Variants in CLIP2 observed in about 807,000 individuals in gnomAD.
The protein encoded by CLIP2 is CAP-Gly domain-containing linker protein 2.
Under a neutral mutation model 111.7 loss-of-function variants are expected in CLIP2, and 41 were observed. The ratio of observed to expected loss-of-function variants is 0.37; its 90% CI spans 0.29 to 0.48. CLIP2 has a LOEUF of 0.48. Among genes scored for constraint, CLIP2 ranks in the 20% least tolerant of loss-of-function variants. The pLI is 0.99. For missense variants in CLIP2, 1,160 were observed against 1,422.1 expected (o/e 0.82, Z 2.96); for synonymous variants, 660 against 644.2 (o/e 1.02, Z -0.37).
At chr7:74,381,186 AC>A (rs1196438560) in intron 11 of CLIP2, 1 of 159,828 alleles carries the variant, frequency 6.3e-6, no homozygotes, top group Non-Finnish European at 1.4e-5. Flanking sequence ...TTTATACTTT[AC>A]TTTTATTTAT....
At chr7:74,303,166 C>T (rs1300722933) in intron 1 of CLIP2, among the ~76,000 whole-genome samples, 3 of 152,234 alleles carry the variant, frequency 2.0e-5, no homozygotes, top group African/African-American at 7.2e-5. Flanking sequence ...GGCCGTCCAG[C>T]CCTGCCCTCT....
At chr7:74,359,882 C>T (rs1554309386) in intron 6 of CLIP2, among the ~76,000 whole-genome samples, 1 of 152,196 alleles carries the variant, frequency 6.6e-6, no homozygotes, top group Non-Finnish European at 1.5e-5. Context: ...TGATGGAGCA[C>T]AGACAAGACA....
intron 1 of CLIP2, among the ~76,000 whole-genome samples, chr7:74,306,949 AG>A (rs1343124037): frequency 6.6e-6 from 1 of 152,208 alleles, no homozygotes; most frequent in Non-Finnish European, 1.5e-5. Flanking sequence ...CGTCGGCCAC[AG>A]TGTGGCCAGA....
intron 6 of CLIP2, among the ~76,000 whole-genome samples, chr7:74,359,467 C>T (rs1236718602): frequency 1.3e-5 from 2 of 151,500 alleles, no homozygotes; most frequent in Non-Finnish European, 2.9e-5. Flanking sequence ...CATTCTCCTG[C>T]CTCAGCCTCC....
Position 74,397,060 on chromosome 7 carries a change from C to T in CLIP2, c.2721-14C>T, listed in dbSNP as rs377648146. On this transcript the variant is annotated splice_polypyrimidine_tract_variant and intron_variant, in intron 13 of 16. Coordinates refer to ENST00000223398, the MANE Select transcript of CLIP2 (RefSeq NM_003388.5). ...GGGCTGAGTGCAGTGGTTCTGTGCC[C>T]GCCTCACCCCCAGGAGCCTGAACGA... 188 of 1,612,052 alleles carry T rather than the reference C, an allele frequency of 1.2e-4. No individual in the cohort carries two copies. The highest frequency in any genetic ancestry group is 1.1e-3 in the East Asian group (49 of 44,832).
At chr7:74,316,401 C>T (rs1554729146) in intron 1 of CLIP2, among the ~76,000 whole-genome samples, 1 of 151,442 alleles carries the variant, frequency 6.6e-6, no homozygotes, top group Non-Finnish European at 1.5e-5. Context: ...TGCGCCACCA[C>T]GCCTGGCTAA....
intron 3 of CLIP2, among the ~76,000 whole-genome samples, chr7:74,349,750 AT>A (rs1244320233): frequency 2.0e-5 from 3 of 151,244 alleles, no homozygotes; most frequent in African/African-American, 7.3e-5. Flanking sequence ...AGTACCTGGC[AT>A]TACAGGCGTG....
chr7:74,353,855 C>T (rs1554307998), intron 3 of CLIP2, 25 bp from the exon 4 acceptor site: 3 of 1,614,014 alleles, frequency 1.9e-6, no homozygotes, highest in Middle Eastern at 3.3e-4. Context: ...ATCCTCTAGA[C>T]CTGAGTCTCC....
intron 1 of CLIP2, among the ~76,000 whole-genome samples, chr7:74,305,457 T>C (rs1788451167): frequency 6.6e-6 from 1 of 151,860 alleles, no homozygotes; most frequent in South Asian, 2.1e-4. Context: ...TCCCTCCCAG[T>C]GTCCCCTCTC....
At chr7:74,297,060 C>T (rs1788190060) in intron 1 of CLIP2, among the ~76,000 whole-genome samples, 1 of 152,206 alleles carries the variant, frequency 6.6e-6, no homozygotes, top group Non-Finnish European at 1.5e-5. Context: ...GCTGCTTTCT[C>T]CTTGGAGTCT....
At position 74,338,676 on chromosome 7, in the gene CLIP2, T is replaced by G; in HGVS notation, c.350T>G (p.Val117Gly). The stretch of plus-strand genomic sequence containing the variant: ...GCTGGCGTGGTGCTGGACGACCCGG[T>G]GGGCAAGAATGATGGCGCGGTGGGC... ...QWAGVVLDDPVGKNDGAVGGV... is the reference protein window; with the variant it reads ...QWAGVVLDDPGGKNDGAVGGV... The change falls in exon 3 of 17, where the codon GTG becomes GGG. Residue 117 changes from valine (V) to glycine (G), a missense_variant. Coordinates refer to ENST00000223398, the MANE Select transcript of CLIP2 (RefSeq NM_003388.5). The surrounding 1 kb of genome is among the most constrained non-coding windows in gnomAD (Gnocchi z 4.3). 6.3e-7 allele frequency: 1 copy of G among 1,580,034 alleles called. No homozygotes were observed. The highest frequency in any genetic ancestry group is 8.6e-7 in the Non-Finnish European group (1 of 1,166,456).
At chr7:74,307,184 G>T (rs141156993) in intron 1 of CLIP2, among the ~76,000 whole-genome samples, 1 of 152,276 alleles carries the variant, frequency 6.6e-6, no homozygotes, top group East Asian at 1.9e-4. Context: ...ACTGAATGCC[G>T]CCTTGGTTCT....
At chr7:74,365,764 TC>T (rs1430078026) in intron 8 of CLIP2, among the ~76,000 whole-genome samples, 5 of 152,164 alleles carry the variant, frequency 3.3e-5, no homozygotes, top group African/African-American at 9.6e-5. Context: ...CCCTTTTTTT[TC>T]TTTTTTGGAG....
intron 2 of CLIP2, among the ~76,000 whole-genome samples, chr7:74,330,260 T>TC (rs1343675545): frequency 6.7e-6 from 1 of 149,902 alleles, no homozygotes; most frequent in African/African-American, 2.4e-5. Context: ...TTTTTTTTTT[T>TC]TTCTTTCTTT....
chr7:74,291,770 C>A (rs556376611), intron 1 of CLIP2, among the ~76,000 whole-genome samples: 1 of 152,134 alleles, frequency 6.6e-6, no homozygotes, highest in Non-Finnish European at 1.5e-5. Context: ...CAGCCTCCTC[C>A]CTGGTCCTGC....
Position 74,403,823 on chromosome 7 carries a change from T to C in CLIP2, c.3130-14T>C, listed in dbSNP as rs782602378. 2.5e-6 allele frequency: 4 copies of C among 1,613,158 alleles called. No individual in the cohort carries two copies. In the South Asian group the frequency reaches 4.4e-5, roughly 18 times the overall value. ...TCTGAGACCCTTGCTGATGATGCCC[T>C]TTACTCTCTCTAGGACAAGCACTGA... On this transcript the variant is annotated splice_polypyrimidine_tract_variant and intron_variant, in intron 16 of 16. Coordinates refer to ENST00000223398, the MANE Select transcript of CLIP2 (RefSeq NM_003388.5).
chr7:74,346,317 G>C (rs912802659), intron 3 of CLIP2, among the ~76,000 whole-genome samples: 2 of 152,264 alleles, frequency 1.3e-5, no homozygotes, highest in Middle Eastern at 3.4e-3. Context: ...TAGTGGTAGG[G>C]GAAGAGGAGA....
intron 1 of CLIP2, among the ~76,000 whole-genome samples, chr7:74,296,410 T>A (rs1472033867): frequency 6.6e-6 from 1 of 152,020 alleles, no homozygotes; most frequent in African/African-American, 2.4e-5. Context: ...CTCGGGAGGC[T>A]GAGGCAGGAG....
intron 2 of CLIP2, among the ~76,000 whole-genome samples, chr7:74,326,210 A>C (rs1173166371): frequency 6.6e-6 from 1 of 152,216 alleles, no homozygotes; most frequent in African/African-American, 2.4e-5. Context: ...ATTGCACTCC[A>C]GCCTGGGCAA....
Sources: allele counts gnomAD v4.1 joint callset (sites outside exome capture counted in the v4.1 genomes callset), GRCh38; gene constraint gnomAD v4.1.1; non-coding constraint Gnocchi (gnomAD v3.1); transcripts MANE v1.5; gene names NCBI Gene and HGNC (gene_info 2026-07-23, HGNC 2026-07-21).